LRP1B: variants seen among roughly 807,000 people sequenced by gnomAD.
The protein encoded by LRP1B is LDL receptor related protein 1B.
In LRP1B, 217 loss-of-function variants were observed where a neutral mutation model predicts 556.6. That is an observed-to-expected ratio of 0.39 (90% confidence interval 0.35 to 0.44). The LOEUF is 0.44. Ranked by LOEUF, LRP1B falls within the 20% of genes least tolerant of loss-of-function variation. LRP1B has a pLI of 1.00. For synonymous variants in LRP1B, 2,047 were observed against 1,865.8 expected (o/e 1.10, Z -2.50); for missense variants, 5,053 against 5,620.8 (o/e 0.90, Z 3.23).
chr2:140,582,138 C>T (rs1558982801), intron 43 of LRP1B, among the ~76,000 whole-genome samples: 1 of 152,136 alleles, frequency 6.6e-6, no homozygotes, highest in Admixed American at 6.5e-5. Flanking sequence ...AAAAAATTCT[C>T]ATTTACCGCG....
intron 3 of LRP1B, among the ~76,000 whole-genome samples, chr2:141,406,581 T>C (rs1690648123): frequency 6.6e-6 from 1 of 151,882 alleles, no homozygotes; most frequent in Admixed American, 6.6e-5. Flanking sequence ...TATCTATCTA[T>C]CTATCTATCT....
intron 3 of LRP1B, among the ~76,000 whole-genome samples, chr2:141,479,363 C>G (rs150543186): frequency 6.6e-6 from 1 of 152,222 alleles, no homozygotes; most frequent in Non-Finnish European, 1.5e-5. Flanking sequence ...GCACTTTAAA[C>G]GTATACATAT....
intron 43 of LRP1B, among the ~76,000 whole-genome samples, chr2:140,586,074 T>A (rs16844285): frequency 2.0e-5 from 3 of 152,188 alleles, no homozygotes; most frequent in African/African-American, 7.2e-5. Flanking sequence ...TCTAAAAATC[T>A]ATGAGCACAC....
At chr2:141,645,702 T>C (rs1689537071) in intron 2 of LRP1B, among the ~76,000 whole-genome samples, 1 of 151,932 alleles carries the variant, frequency 6.6e-6, no homozygotes, top group African/African-American at 2.4e-5. Flanking sequence ...ATGGGTTTCA[T>C]AGATAAGTCC....
chr2:140,828,170 C>T (rs1691574780), intron 31 of LRP1B, among the ~76,000 whole-genome samples: 1 of 151,698 alleles, frequency 6.6e-6, no homozygotes, highest in Non-Finnish European at 1.5e-5. Flanking sequence ...AAAAAGAAAA[C>T]AATTGAAGGT....
At chr2:141,411,477 T>C (rs1690848444) in intron 3 of LRP1B, among the ~76,000 whole-genome samples, 1 of 152,148 alleles carries the variant, frequency 6.6e-6, no homozygotes, top group African/African-American at 2.4e-5. Context: ...CTGAAACAGG[T>C]ATGACATTGC....
intron 66 of LRP1B, among the ~76,000 whole-genome samples, chr2:140,407,770 A>G (rs573955428): frequency 6.6e-6 from 1 of 152,136 alleles, no homozygotes; most frequent in Non-Finnish European, 1.5e-5. Flanking sequence ...AACGGTATGG[A>G]AATTCCTTAA....
chr2:141,039,239 G>C (rs1698626970), intron 11 of LRP1B, among the ~76,000 whole-genome samples: 1 of 152,058 alleles, frequency 6.6e-6, no homozygotes, highest in African/African-American at 2.4e-5. Context: ...CACAAGAAGA[G>C]TGAGTACAGT....
chr2:141,179,748 A>T (rs1680909919), intron 7 of LRP1B, among the ~76,000 whole-genome samples: 2 of 151,948 alleles, frequency 1.3e-5, no homozygotes, highest in Admixed American at 1.3e-4. Context: ...CCTTAATCCT[A>T]AAGTCAGGCC....
rs200658844 is a variant in LRP1B at position 141,726,315 on chromosome 2, AT to A, written c.205+83963del. On this transcript the variant is annotated intron_variant, in intron 2 of 90. Coordinates refer to ENST00000389484, the MANE Select transcript of LRP1B (RefSeq NM_018557.3). Reference sequence around the variant, plus strand: ...TATTATAATCTCTGGGTAAGAGGTAATTTTAAAAAAAAATTATTTTGATTTT... The same window carrying A: ...TATTATAATCTCTGGGTAAGAGGTAATTTAAAAAAAAATTATTTTGATTTT... Among the ~76,000 whole-genome samples, 36 of 151,436 alleles carry A rather than the reference AT, an allele frequency of 2.4e-4. No individual in the cohort carries two copies. The East Asian group carries it at 3.5e-3, about 15-fold the overall frequency.
At chr2:140,744,689 A>C (rs1005200592) in intron 35 of LRP1B, among the ~76,000 whole-genome samples, 2 of 152,184 alleles carry the variant, frequency 1.3e-5, no homozygotes, top group African/African-American at 4.8e-5. Context: ...TTTCTTGAAC[A>C]TGTGATCTAA....
intron 35 of LRP1B, among the ~76,000 whole-genome samples, chr2:140,748,688 A>G (rs1210929707): frequency 8.0e-6 from 1 of 124,718 alleles, no homozygotes; most frequent in Admixed American, 9.3e-5. Flanking sequence ...ATTGCTAGGA[A>G]TTTTTTAAGT....
chr2:141,931,155 C>A (rs1558969238), intron 1 of LRP1B, among the ~76,000 whole-genome samples: 1 of 151,916 alleles, frequency 6.6e-6, no homozygotes, highest in Non-Finnish European at 1.5e-5. Flanking sequence ...ATTGCTATGA[C>A]TAATTGAAAG....
At chr2:141,660,398 CCTGGCT>C (rs1690169864) in intron 2 of LRP1B, among the ~76,000 whole-genome samples, 1 of 151,842 alleles carries the variant, frequency 6.6e-6, no homozygotes, top group African/African-American at 2.4e-5. Context: ...TCAGTGGCCG[CCTGGCT>C]GGAGACTGCA....
chr2:141,350,448 G>T (rs1157904559), intron 3 of LRP1B, among the ~76,000 whole-genome samples: 1 of 152,010 alleles, frequency 6.6e-6, no homozygotes, highest in Non-Finnish European at 1.5e-5. Context: ...TCCAAAACTT[G>T]CCAATGTTCA....
chr2:141,565,674 C>T lies in LRP1B; in HGVS notation c.206-85141G>A, dbSNP rs144642965. ...CATTCCTGCACTATTTTGTGCTTTA[C>T]GCATACGCGTATATGAAATGGCAAA... On this transcript the variant is annotated intron_variant, in intron 2 of 90. Coordinates refer to ENST00000389484, the MANE Select transcript of LRP1B (RefSeq NM_018557.3). 6.2e-3 allele frequency among the ~76,000 whole-genome samples: 940 copies of T among 152,316 alleles called. 11 individuals carry two copies. Among genetic ancestry groups the T allele is most frequent in the Non-Finnish European group, 6.3e-3 (428 of 68,022 alleles).
At chr2:140,892,071 C>G (rs1693815564) in intron 23 of LRP1B, among the ~76,000 whole-genome samples, 1 of 151,898 alleles carries the variant, frequency 6.6e-6, no homozygotes, top group Non-Finnish European at 1.5e-5. Flanking sequence ...AGGATACAGT[C>G]CAGTGTCTTT....
At position 140,525,855 on chromosome 2, in the gene LRP1B, A is replaced by T. The variant is rs2104967028; in HGVS notation, c.8015T>A (p.Leu2672Ter). Residue 2672 changes from leucine (L) to a stop codon, truncating the protein, a stop_gained, in exon 49 of 91, where the codon TTA becomes TAA. Coordinates refer to ENST00000389484, the MANE Select transcript of LRP1B (RefSeq NM_018557.3). LOFTEE classifies it high-confidence loss of function. ...SNDCGDYSDE[L>*]KCPVQNKHKC... is the part of the protein sequence containing the mutation. Reference sequence around the variant, plus strand: ...AATTCTAGTATTACCTGGGCACTTTAATTCATCTGAATAGTCTCCACAGTC... The same window carrying T: ...AATTCTAGTATTACCTGGGCACTTTTATTCATCTGAATAGTCTCCACAGTC... The T allele has an allele frequency of 6.2e-7, 1 of 1,611,536 alleles. No individual in the cohort carries two copies. The highest frequency in any genetic ancestry group is 8.5e-7 in the Non-Finnish European group (1 of 1,178,460).
Position 142,130,672 on chromosome 2 carries a change from C to T in LRP1B, c.58G>A (p.Val20Met). The T allele has an allele frequency of 6.2e-7, 1 of 1,613,538 alleles. No homozygotes were observed. Among genetic ancestry groups the T allele is most frequent in the Non-Finnish European group, 8.5e-7 (1 of 1,179,746 alleles). Residue 20 changes from valine (V) to methionine (M), a missense_variant, in exon 1 of 91, where the codon GTG becomes ATG. Physicochemically the swap from Val to Met is conservative, Grantham distance 21. Transcript: ENST00000389484. ...CCTCGGTCGGCTCCCACGGTCAGCA[C>T]CCTGGCAATCGGCAATAATCCCGAG... ...TLSGLLPIAR[V>M]LTVGADRDQQ...
Sources: allele counts gnomAD v4.1 joint callset (sites outside exome capture counted in the v4.1 genomes callset), GRCh38; gene constraint gnomAD v4.1.1; transcripts MANE v1.5; gene names NCBI Gene and HGNC (gene_info 2026-07-23, HGNC 2026-07-21).